TGFBI: variants seen among roughly 807,000 people sequenced by gnomAD.
The protein encoded by TGFBI is transforming growth factor beta induced.
A neutral mutation model predicts 73.7 loss-of-function variants in TGFBI; 50 were observed. That is an observed-to-expected ratio of 0.68 (90% CI 0.54 to 0.86). The LOEUF is 0.86. Among genes scored for constraint, TGFBI ranks in the 40% least tolerant of loss-of-function variants. The probability of loss-of-function intolerance (pLI) is 0.00; values close to 1 mark genes in which losing one functional copy is unlikely to be tolerated. For synonymous variants in TGFBI, 362 were observed against 360.5 expected, an observed-to-expected ratio of 1.00 and a Z score of -0.05; for missense variants, 839 against 877.0, an observed-to-expected ratio of 0.96 and a Z score of 0.55.
At chr5:136,051,995 G>A (rs528470722) in intron 7 of TGFBI, among the ~76,000 whole-genome samples, 27 of 152,278 alleles carry the variant, frequency 1.8e-4, no homozygotes, top group African/African-American at 5.5e-4. Context: ...ACTCGCCTCC[G>A]TGGTGAGAAT....
chr5:136,054,273 C>T (rs981062067), intron 9 of TGFBI, among the ~76,000 whole-genome samples, 193 bp downstream of exon 9: 26 of 152,166 alleles, frequency 1.7e-4, no homozygotes, highest in Non-Finnish European at 1.5e-5. Context: ...GCAGAGAATG[C>T]CTTTGGGGAG....
Position 136,053,013 on chromosome 5 carries a change from C to A in TGFBI, c.1020C>A (p.Ser340Arg). The change falls in exon 8 of 17, where the codon AGC (serine) becomes AGA (arginine). Residue 340 changes from serine (S) to arginine (R), a missense_variant. Transcript: ENST00000442011. ...LEGTTLEVGC[S>R]GDMLTINGKA... ...GCACGACACTGGAGGTGGGCTGCAGCGGGGACATGCTCACTATCAACGGGA... is the reference window on the plus strand; with the variant it reads ...GCACGACACTGGAGGTGGGCTGCAGAGGGGACATGCTCACTATCAACGGGA... 6.2e-7 allele frequency: 1 copy of A among 1,614,010 alleles called. No homozygotes were observed. The highest frequency in any genetic ancestry group is 8.5e-7 in the Non-Finnish European group (1 of 1,179,888).
chr5:136,061,218 G>A lies in TGFBI; in HGVS notation c.1906+282G>A, dbSNP rs45604642. ...CTGTATTCGCGTGGATGCTGTCCGC[G>A]CGATTCCCAGCACTCCTCTTACAGC... On this transcript the variant is annotated intron_variant, in intron 14 of 16. Coordinates refer to ENST00000442011, the MANE Select transcript of TGFBI (RefSeq NM_000358.3). The A allele has an allele frequency of 5.0e-3, 2,845 of 571,860 alleles. 15 individuals are homozygous for A. Among genetic ancestry groups the A allele is most frequent in the Non-Finnish European group, 6.9e-3 (2,221 of 320,022 alleles). 35.4% of individuals were successfully genotyped at this position (571,860 alleles called of 1,614,324 possible). A position where few individuals can be genotyped will look rare whatever the true frequency, so the allele number is the denominator to read the frequency against.
chr5:136,059,166 C>A lies in TGFBI; in HGVS notation c.1755C>A (p.Ala585=), dbSNP rs779632250. The change falls in exon 13 of 17, where the codon GCC becomes GCA. Residue 585 remains alanine (A), a synonymous_variant. Transcript: ENST00000442011. ...TCCTGGTTAGCGGAGGCATCGGGGC[C>A]CTGGTGCGGCTAAAGTCTCTCCAAG... is the stretch of plus-strand genomic sequence containing the variant. The part of the protein sequence containing the change: ...DEILVSGGIG[A]LVRLKSLQGD... The A allele has an allele frequency of 6.2e-7, 1 of 1,610,762 alleles. No homozygotes were observed. Among genetic ancestry groups the A allele is most frequent in the Admixed American group, 1.7e-5 (1 of 59,664 alleles).
At chr5:136,050,484 T>C (rs750286996) in intron 7 of TGFBI, among the ~76,000 whole-genome samples, 5 of 152,178 alleles carry the variant, frequency 3.3e-5, no homozygotes, top group Non-Finnish European at 7.3e-5. Context: ...TTTTCACATG[T>C]TTTCCTTTTG....
At chr5:136,031,510 A>G (rs1457863814) in intron 1 of TGFBI, among the ~76,000 whole-genome samples, 2 of 152,242 alleles carry the variant, frequency 1.3e-5, no homozygotes, top group Non-Finnish European at 2.9e-5. Context: ...CCCATTTTAC[A>G]GGAGGTGAAA....
intron 3 of TGFBI, among the ~76,000 whole-genome samples, chr5:136,045,526 G>T (rs1751412941): frequency 6.6e-6 from 1 of 151,998 alleles, no homozygotes. Flanking sequence ...GCCTGGGCAA[G>T]AAGAGCAAAA....
intron 7 of TGFBI, among the ~76,000 whole-genome samples, chr5:136,051,694 CCA>C (rs1161353408): frequency 1.3e-5 from 2 of 152,296 alleles, no homozygotes; most frequent in East Asian, 3.9e-4. Context: ...GGTGGTGTGT[CCA>C]GTTTGAAGAC....
intron 12 of TGFBI, among the ~76,000 whole-genome samples, chr5:136,057,297 G>A (rs1248473619): frequency 6.6e-6 from 1 of 152,196 alleles, no homozygotes; most frequent in Non-Finnish European, 1.5e-5. Context: ...CCCAGTCACT[G>A]AGGCACGTTT....
intron 2 of TGFBI, among the ~76,000 whole-genome samples, chr5:136,039,950 G>A (rs367959374): frequency 2.8e-4 from 42 of 152,176 alleles, no homozygotes; most frequent in East Asian, 2.7e-3. Context: ...CATTCCTCTC[G>A]GAAACTATGA....
At chr5:136,049,405 T>G in intron 6 of TGFBI, 34 bp from the exon 7 acceptor site, 1 of 1,609,934 alleles carries the variant, frequency 6.2e-7, no homozygotes, top group Non-Finnish European at 8.5e-7. Flanking sequence ...GCCAGAGTCT[T>G]CAGGGAGCAC....
At chr5:136,046,806 C>T (rs1446923991) in intron 4 of TGFBI, 45 bp from the exon 5 acceptor site, 11 of 1,586,848 alleles carry the variant, frequency 6.9e-6, no homozygotes, top group South Asian at 2.3e-5. Context: ...ATCTCTTAAA[C>T]ACAGAGTCTG....
rs1054124 is a variant in TGFBI, at chr5:136,052,974, A to G, written c.981A>G (p.Val327=). The G allele has an allele frequency of 0.29, 473,969 of 1,613,748 alleles. 72,709 individuals carry two copies. The highest frequency in any genetic ancestry group is 0.52 in the African/African-American group (38,982 of 74,984). ...CAEAIVAGLS[V]ETLEGTTLEV... ...AAGCCATCGTTGCGGGGCTGTCTGTAGAGACCCTGGAGGGCACGACACTGG... is the reference window on the plus strand; with the variant it reads ...AAGCCATCGTTGCGGGGCTGTCTGTGGAGACCCTGGAGGGCACGACACTGG... The change falls in exon 8 of 17, where the codon GTA becomes GTG. Residue 327 remains valine, a synonymous_variant. Transcript: ENST00000442011.
intron 13 of TGFBI, among the ~76,000 whole-genome samples, chr5:136,060,385 T>G (rs1450866701): frequency 6.6e-6 from 1 of 152,180 alleles, no homozygotes; most frequent in Non-Finnish European, 1.5e-5. Context: ...CACCAGAGTA[T>G]CCCCAGTCTA....
At chr5:136,050,168 A>C (rs866981516) in intron 7 of TGFBI, among the ~76,000 whole-genome samples, 3 of 152,024 alleles carry the variant, frequency 2.0e-5, no homozygotes, top group African/African-American at 7.2e-5. Flanking sequence ...CCCCATCTCT[A>C]CTAAAAATAC....
intron 2 of TGFBI, among the ~76,000 whole-genome samples, chr5:136,043,628 G>A (rs941155710): frequency 6.6e-6 from 1 of 152,230 alleles, no homozygotes; most frequent in Non-Finnish European, 1.5e-5. Context: ...GAAATTGGCT[G>A]AGGATGGCCC....
intron 2 of TGFBI, among the ~76,000 whole-genome samples, chr5:136,034,757 C>T (rs1751185815): frequency 6.6e-6 from 1 of 152,138 alleles, no homozygotes; most frequent in Admixed American, 6.5e-5. Context: ...GTCAACAGAT[C>T]TCAAAGCTGG....
chr5:136,052,780 G>T (rs996037182), intron 7 of TGFBI, 127 bp from the exon 8 acceptor site: 25 of 918,754 alleles, frequency 2.7e-5, no homozygotes, highest in Non-Finnish European at 1.6e-6. Context: ...GCCCTGTGGT[G>T]CCCCAGCCTC....
chr5:136,035,057 C>T (rs940387952), intron 2 of TGFBI, among the ~76,000 whole-genome samples: 1 of 152,168 alleles, frequency 6.6e-6, no homozygotes. Context: ...AGGCAATTAG[C>T]AATCCTAATA....
Sources: gnomAD v4.1 joint callset for allele counts (sites outside exome capture counted in the v4.1 genomes callset) on GRCh38, gnomAD v4.1.1 for gene constraint, MANE v1.5 for transcripts, NCBI Gene and HGNC (gene_info 2026-07-23, HGNC 2026-07-21) for gene names.